The following ANO3 variants were observed in gnomAD, a reference collection of about 807,000 sequenced individuals.
ANO3 encodes the protein anoctamin 3, also known as anoctamin-3.
In ANO3, 99 loss-of-function variants were observed where a neutral mutation model predicts 144.8. The ratio of observed to expected loss-of-function variants is 0.68; its 90% confidence interval spans 0.58 to 0.81. ANO3 has a LOEUF of 0.81. ANO3 is among the 30% of genes least tolerant of loss of function. ANO3 has a pLI of 0.00. For synonymous variants in ANO3, 414 were observed against 392.6 expected (o/e 1.05, Z -0.64); for missense variants, 905 against 1,202.2 (o/e 0.75, Z 3.66).
At chr11:26,275,388 T>C (rs1564944437) in intron 1 of ANO3, among the ~76,000 whole-genome samples, 3 of 152,152 alleles carry the variant, frequency 2.0e-5, no homozygotes, top group Non-Finnish European at 4.4e-5. Context: ...TAGAGAAATC[T>C]AAAAAAATCT....
At chr11:26,237,262 TA>T (rs1417774286) in intron 1 of ANO3, among the ~76,000 whole-genome samples, 1 of 152,184 alleles carries the variant, frequency 6.6e-6, no homozygotes, top group Non-Finnish European at 1.5e-5. Context: ...AAATCTTTTG[TA>T]ACCTGCAAAA....
upstream of ANO3, among the ~76,000 whole-genome samples, chr11:26,331,237 C>A (rs942601496): frequency 6.6e-6 from 1 of 152,084 alleles, no homozygotes; most frequent in Non-Finnish European, 1.5e-5. Flanking sequence ...GCTCAATACC[C>A]GGGTGATGGG....
At chr11:26,248,440 G>A (rs1021745911) in intron 1 of ANO3, among the ~76,000 whole-genome samples, 3 of 152,126 alleles carry the variant, frequency 2.0e-5, no homozygotes, top group Non-Finnish European at 4.4e-5. Flanking sequence ...CCTAATGAGA[G>A]GGTTATCATA....
chr11:26,449,805 G>A (rs969266133), intron 3 of ANO3, among the ~76,000 whole-genome samples: 3 of 151,728 alleles, frequency 2.0e-5, no homozygotes, highest in African/African-American at 7.3e-5. Flanking sequence ...CCAGGCTGGA[G>A]GAGTGCAGTG....
At chr11:26,634,180 C>G in intron 18 of ANO3, 24 bp from the exon 19 acceptor site, 2 of 1,509,254 alleles carry the variant, frequency 1.3e-6, no homozygotes, top group Non-Finnish European at 1.8e-6. Flanking sequence ...TCACCTGTGT[C>G]AATGCAACCT....
At position 26,508,093 on chromosome 11, in the gene ANO3, T is replaced by A; in HGVS notation, c.433-11T>A. Reference sequence around the variant, plus strand: ...AACCCACACCATTAACAATCATTGCTTTATTTGCAGAATGACATGAATTAC... The same window carrying A: ...AACCCACACCATTAACAATCATTGCATTATTTGCAGAATGACATGAATTAC... On this transcript the variant is annotated splice_polypyrimidine_tract_variant and intron_variant, in intron 4 of 26. Transcript: ENST00000256737. 1 of 1,570,828 alleles carries A rather than the reference T, an allele frequency of 6.4e-7. No homozygotes were observed. The highest frequency in any genetic ancestry group is 8.6e-7 in the Non-Finnish European group (1 of 1,166,034).
intron 12 of ANO3, among the ~76,000 whole-genome samples, chr11:26,548,226 A>G (rs553395566): frequency 6.6e-6 from 1 of 152,004 alleles, no homozygotes; most frequent in African/African-American, 2.4e-5. Context: ...AGTCAAACAT[A>G]TATCAAAATG....
intron 17 of ANO3, among the ~76,000 whole-genome samples, chr11:26,620,314 T>C (rs1314098236): frequency 6.6e-6 from 1 of 152,156 alleles, no homozygotes; most frequent in African/African-American, 2.4e-5. Flanking sequence ...CCTGGTCTCA[T>C]GATTAAAGGG....
intron 14 of ANO3, among the ~76,000 whole-genome samples, chr11:26,571,015 G>GA (rs925637958): frequency 1.3e-5 from 2 of 151,962 alleles, no homozygotes; most frequent in South Asian, 4.2e-4. Flanking sequence ...TTTCTTTCAA[G>GA]AAAAAAACAA....
At chr11:26,381,666 T>C (rs1856592812) in intron 1 of ANO3, among the ~76,000 whole-genome samples, 1 of 152,178 alleles carries the variant, frequency 6.6e-6, no homozygotes, top group African/African-American at 2.4e-5. Flanking sequence ...TTGGCTGTCA[T>C]ATACACAGCT....
At chr11:26,642,342 C>CTTTTTTTTTTTTT (rs576729432) in intron 22 of ANO3, among the ~76,000 whole-genome samples, 7 of 93,064 alleles carry the variant, frequency 7.5e-5, no homozygotes, top group African/African-American at 2.1e-4. Flanking sequence ...TTCTTTCTTT[C>CTTTTTTTTTTTTT]TTTTTTTTTT....
At chr11:26,328,375 A>G (rs1283053317), upstream of ANO3, among the ~76,000 whole-genome samples, 3 of 152,206 alleles carry the variant, frequency 2.0e-5, no homozygotes, top group African/African-American at 7.2e-5. Context: ...TAGAAGCAGG[A>G]AAGTACTGCT....
intron 1 of ANO3, among the ~76,000 whole-genome samples, chr11:26,251,320 G>A (rs1380622190): frequency 6.6e-6 from 1 of 152,166 alleles, no homozygotes; most frequent in African/African-American, 2.4e-5. Context: ...GATCAAAGCT[G>A]AGGCACAGCT....
chr11:26,500,410 A>G (rs1861146031), intron 4 of ANO3, among the ~76,000 whole-genome samples: 1 of 152,106 alleles, frequency 6.6e-6, no homozygotes, highest in African/African-American at 2.4e-5. Context: ...ACTGCTTTGC[A>G]TCCCCATCAG....
chr11:26,347,445 C>A (rs1590280343), intron 1 of ANO3, among the ~76,000 whole-genome samples: 1 of 152,238 alleles, frequency 6.6e-6, no homozygotes, highest in South Asian at 2.1e-4. Flanking sequence ...TGTGTTCCAG[C>A]TGATCATGCC....
intron 1 of ANO3, among the ~76,000 whole-genome samples, chr11:26,225,587 C>T (rs1238829900): frequency 6.6e-6 from 1 of 151,884 alleles, no homozygotes; most frequent in African/African-American, 2.4e-5. Context: ...CTCTATTATG[C>T]TTGGTTTGAG....
intron 17 of ANO3, among the ~76,000 whole-genome samples, chr11:26,604,215 T>A (rs945569561): frequency 2.6e-5 from 4 of 152,208 alleles, no homozygotes; most frequent in East Asian, 1.9e-4. Context: ...GAAGATCAGA[T>A]GGTAGTAGAT....
At chr11:26,530,552 G>A (rs572736170) in intron 7 of ANO3, among the ~76,000 whole-genome samples, 34 of 89,760 alleles carry the variant, frequency 3.8e-4, no homozygotes, top group Non-Finnish European at 6.9e-4. Flanking sequence ...TATATTTTGC[G>A]CTTAAAAAAA....
At chr11:26,208,316 C>T (rs1340069349) in intron 1 of ANO3, 2 of 152,130 alleles carry the variant, frequency 1.3e-5, no homozygotes, top group Admixed American at 6.6e-5. Context: ...TCGAGACCAT[C>T]CTGGCTAACA....
Sources: gnomAD v4.1 joint callset for allele counts (sites outside exome capture counted in the v4.1 genomes callset) on GRCh38, gnomAD v4.1.1 for gene constraint, MANE v1.5 for transcripts, NCBI Gene and HGNC (gene_info 2026-07-23, HGNC 2026-07-21) for gene names.